Variants in MROH7 observed in about 807,000 individuals in gnomAD.
MROH7 encodes the protein maestro heat-like repeat-containing protein family member 7.
A neutral mutation model predicts 129.2 loss-of-function variants in MROH7; 113 were observed. The observed-to-expected ratio is 0.87, with a 90% CI of 0.75 to 1.02. The LOEUF (loss-of-function observed/expected upper bound fraction) is 1.02. Among genes scored for constraint, MROH7 ranks in the 50% least tolerant of loss-of-function variants. The probability of loss-of-function intolerance (pLI) is 0.00; values close to 1 mark genes in which losing one functional copy is unlikely to be tolerated. For synonymous variants in MROH7, 655 were observed against 667.9 expected (o/e 0.98, Z 0.30); for missense variants, 1,601 against 1,671.3 (o/e 0.96, Z 0.73).
chr1:54,674,339 G>A (rs754567660), intron 10 of MROH7, among the ~76,000 whole-genome samples, 188 bp downstream of exon 10: 1 of 152,080 alleles, frequency 6.6e-6, no homozygotes, highest in Non-Finnish European at 1.5e-5. Context: ...GGGGACAAAG[G>A]CTACAAACAA....
At chr1:54,671,000 C>T in intron 7 of MROH7, 71 bp downstream of exon 7, 2 of 1,490,824 alleles carry the variant, frequency 1.3e-6, no homozygotes, top group South Asian at 1.3e-5. Context: ...GAGCTGCATC[C>T]TCCGGCTCAT....
At chr1:54,680,311 G>A (rs1645049542) in intron 13 of MROH7, among the ~76,000 whole-genome samples, 1 of 152,170 alleles carries the variant, frequency 6.6e-6, no homozygotes, top group African/African-American at 2.4e-5. Context: ...CTTGCCTTAG[G>A]TACTCACTGA....
intron 17 of MROH7, chr1:54,699,882 T>C (rs1322138554): frequency 1.8e-6 from 1 of 543,234 alleles, no homozygotes; most frequent in African/African-American, 1.9e-5. Flanking sequence ...CTCTGAGTTT[T>C]GGATGGAGCC....
At chr1:54,690,694 C>G (rs747664908) in intron 15 of MROH7, among the ~76,000 whole-genome samples, 1 of 152,144 alleles carries the variant, frequency 6.6e-6, no homozygotes, top group Non-Finnish European at 1.5e-5. Flanking sequence ...CCACCCTCCT[C>G]GGCCACCCAA....
At chr1:54,650,916 A>T (rs1413256197) in intron 1 of MROH7, among the ~76,000 whole-genome samples, 1 of 151,926 alleles carries the variant, frequency 6.6e-6, no homozygotes, top group East Asian at 1.9e-4. Context: ...GTAGGGACAG[A>T]GTCTCATTAT....
intron 10 of MROH7, among the ~76,000 whole-genome samples, chr1:54,674,524 T>G (rs1462410052): frequency 1.3e-5 from 2 of 152,196 alleles, no homozygotes; most frequent in Non-Finnish European, 2.9e-5. Context: ...AGGGCAGGGC[T>G]GTATCTTGGT....
intron 15 of MROH7, among the ~76,000 whole-genome samples, chr1:54,688,820 G>C (rs537084926): frequency 1.2e-4 from 18 of 152,312 alleles, no homozygotes; most frequent in South Asian, 4.1e-4. Context: ...AGGCTCTGGA[G>C]GGGGAGGAGG....
chr1:54,644,439 T>G (rs1644432621), intron 1 of MROH7, among the ~76,000 whole-genome samples: 1 of 151,900 alleles, frequency 6.6e-6, no homozygotes, highest in South Asian at 2.1e-4. Context: ...ACCTCCTGGG[T>G]TCAAGCAATT....
chr1:54,673,088 C>G lies in MROH7; in HGVS notation c.1600-3C>G, dbSNP rs1437843311. On this transcript the variant is annotated splice_region_variant and splice_polypyrimidine_tract_variant and intron_variant, in intron 7 of 23. Transcript: ENST00000421030. Reference sequence around the variant, plus strand: ...AGTGGCTTGGTCCTCCTCCCATCCACAGGCTCTTTACCATCAGACCCTGGA... The same window carrying G: ...AGTGGCTTGGTCCTCCTCCCATCCAGAGGCTCTTTACCATCAGACCCTGGA... 2 of 1,612,744 alleles carry G rather than the reference C, an allele frequency of 1.2e-6. No individual in the cohort carries two copies. Among genetic ancestry groups the G allele is most frequent in the African/African-American group, 1.3e-5 (1 of 74,894 alleles).
intron 6 of MROH7, 107 bp downstream of exon 6, chr1:54,670,683 CG>C (rs1644885008): frequency 3.0e-6 from 4 of 1,315,052 alleles, no homozygotes; most frequent in African/African-American, 3.1e-5. Flanking sequence ...CCCCACCCCT[CG>C]CCCGGTGCCT....
chr1:54,682,534 C>G, intron 13 of MROH7, 122 bp from the exon 14 acceptor site: 1 of 896,850 alleles, frequency 1.1e-6, no homozygotes, highest in South Asian at 1.6e-5. Context: ...CTATTCCTTG[C>G]AGGTGTGCCC....
At chr1:54,673,067 G>T in intron 7 of MROH7, 24 bp from the exon 8 acceptor site, 1 of 1,590,890 alleles carries the variant, frequency 6.3e-7, no homozygotes, top group Non-Finnish European at 8.6e-7. Context: ...TGCCTTAGTG[G>T]CTTGGTCCTC....
At chr1:54,683,286 G>A (rs1645099060) in intron 14 of MROH7, among the ~76,000 whole-genome samples, 1 of 152,170 alleles carries the variant, frequency 6.6e-6, no homozygotes, top group Non-Finnish European at 1.5e-5. Flanking sequence ...TCATATGGCG[G>A]CTGTGAAGAT....
At chr1:54,667,537 C>CT (rs1332995826) in intron 4 of MROH7, among the ~76,000 whole-genome samples, 6 of 151,478 alleles carry the variant, frequency 4.0e-5, no homozygotes, top group Admixed American at 2.6e-4. Context: ...CTCACTGCAA[C>CT]TTTTGCCTCC....
In MROH7 at chr1:54,686,455, T is replaced by G; in HGVS notation, c.2711+7T>G. 1 of 1,612,830 alleles carries G rather than the reference T, an allele frequency of 6.2e-7. No individual in the cohort carries two copies. Among genetic ancestry groups the G allele is most frequent in the Non-Finnish European group, 8.5e-7 (1 of 1,179,454 alleles). On this transcript the variant is annotated splice_region_variant and intron_variant, in intron 15 of 23. Coordinates refer to ENST00000421030, the MANE Select transcript of MROH7 (RefSeq NM_001039464.4). ...CTCCCTTCGTACCTGTGCGGTATGCTCTGCCCTCTCTCTTGACCCTGCTGT... is the reference window on the plus strand; with the variant it reads ...CTCCCTTCGTACCTGTGCGGTATGCGCTGCCCTCTCTCTTGACCCTGCTGT...
chr1:54,664,533 G>A (rs1644782522), intron 3 of MROH7, among the ~76,000 whole-genome samples: 1 of 152,248 alleles, frequency 6.6e-6, no homozygotes, highest in African/African-American at 2.4e-5. Context: ...CTGGAAGGAG[G>A]CTGGTGTGGC....
In MROH7 at chr1:54,686,427, C is replaced by T. The variant is rs1645149084; in HGVS notation, c.2690C>T (p.Pro897Leu). Residue 897 changes from proline (P) to leucine (L), a missense_variant, in exon 15 of 24, where the codon CCC becomes CTC. Transcript: ENST00000421030. ...AAGGACACCAAGAAGGGTGCACAGC[C>T]CTCTCCCTTCGTACCTGTGCGGTAT... The part of the protein sequence containing the change: ...PPKDTKKGAQ[P>L]SPFVPVRWVV... 1.9e-6 allele frequency: 3 copies of T among 1,614,054 alleles called. No homozygotes were observed. Among genetic ancestry groups the T allele is most frequent in the Non-Finnish European group, 2.5e-6 (3 of 1,180,014 alleles).
intron 17 of MROH7, chr1:54,697,853 G>A: frequency 5.5e-6 from 3 of 541,538 alleles, no homozygotes; most frequent in South Asian, 2.8e-5. Context: ...AGGAGGGAGG[G>A]TGGATCTTGC....
chr1:54,699,333 T>C (rs11206415), intron 17 of MROH7: 30,715 of 150,052 alleles, frequency 0.2, 3,270 homozygotes, highest in Non-Finnish European at 0.22. Flanking sequence ...GGTGGAGTCT[T>C]GCTCTTGTCA....
Sources: allele counts gnomAD v4.1 joint callset (sites outside exome capture counted in the v4.1 genomes callset), GRCh38; gene constraint gnomAD v4.1.1; transcripts MANE v1.5; gene names NCBI Gene and HGNC (gene_info 2026-07-23, HGNC 2026-07-21).